Variants in ANPEP observed in about 807,000 individuals in gnomAD.
ANPEP encodes the protein alanyl aminopeptidase, membrane, also known as aminopeptidase N.
A neutral mutation model predicts 114.6 loss-of-function variants in ANPEP; 70 were observed. The ratio of observed to expected loss-of-function variants is 0.61; its 90% CI spans 0.50 to 0.75. ANPEP has a LOEUF of 0.75. ANPEP is among the 30% of genes least tolerant of loss of function. The pLI, the probability that ANPEP is intolerant of heterozygous loss-of-function variation, is 0.00. For synonymous variants in ANPEP, 548 were observed against 522.3 expected, an observed-to-expected ratio of 1.05 and a Z score of -0.67; for missense variants, 1,184 against 1,259.5, an observed-to-expected ratio of 0.94 and a Z score of 0.91.
intron 4 of ANPEP, 43 bp downstream of exon 4, chr15:89,805,035 C>G (rs538353572): frequency 6.2e-7 from 1 of 1,612,152 alleles, no homozygotes; most frequent in East Asian, 2.2e-5. Context: ...CCCCTCAAGC[C>G]GGGGCCAGCC....
At chr15:89,801,922 G>A (rs74616151) in intron 10 of ANPEP, among the ~76,000 whole-genome samples, 1 of 152,176 alleles carries the variant, frequency 6.6e-6, no homozygotes, top group Non-Finnish European at 1.5e-5. Context: ...ACTGGGAGGA[G>A]GACAAGAAAG....
At chr15:89,812,347 C>T (rs1277658852) in intron 1 of ANPEP, among the ~76,000 whole-genome samples, 6 of 152,200 alleles carry the variant, frequency 3.9e-5, no homozygotes, top group Non-Finnish European at 4.4e-5. Flanking sequence ...AGGGTAGGGA[C>T]GAGGCTGGGC....
intron 15 of ANPEP, among the ~76,000 whole-genome samples, chr15:89,795,305 A>G (rs954651421): frequency 3.4e-4 from 51 of 152,218 alleles, no homozygotes; most frequent in Admixed American, 2.9e-3. Context: ...GCTGGAAAAC[A>G]GAAGAGAAAA....
chr15:89,806,285 A>G lies in ANPEP; in HGVS notation c.299T>C (p.Leu100Pro), dbSNP rs928677106. The G allele has an allele frequency of 3.1e-6, 5 of 1,613,984 alleles. No homozygotes were observed. Among genetic ancestry groups the G allele is most frequent in the Middle Eastern group, 1.6e-4 (1 of 6,084 alleles). ...RPYLTPNDRG[L>P]YVFKGSSTVR... ...GGTGCTGGAGCCCTTAAAAACGTAC[A>G]GGCCCCTGTCATTGGGGGTGAGGTA... The change falls in exon 2 of 21, where the codon CTG becomes CCG. Residue 100 changes from leucine to proline, a missense_variant. Coordinates refer to ENST00000300060, the MANE Select transcript of ANPEP (RefSeq NM_001150.3). The surrounding 1 kb of genome is among the most constrained non-coding windows in gnomAD (Gnocchi z 5.7).
rs201732034 is a variant in ANPEP at position 89,804,238 on chromosome 15, G to T, written c.1179+15C>A. 1.9e-6 allele frequency: 3 copies of T among 1,613,962 alleles called. No homozygotes were observed. The highest frequency in any genetic ancestry group is 2.5e-6 in the Non-Finnish European group (3 of 1,179,882). On this transcript the variant is annotated intron_variant, in intron 6 of 20. Transcript: ENST00000300060. Reference sequence around the variant, plus strand: ...CCCTGTTTCCTTCTCCGCACTCCCCGAGATGGGGGTCTACCTGGTGGGCCA... The same window carrying T: ...CCCTGTTTCCTTCTCCGCACTCCCCTAGATGGGGGTCTACCTGGTGGGCCA...
At position 89,797,605 on chromosome 15, in the gene ANPEP, A is replaced by G. The variant is rs1232101369; in HGVS notation, c.2127T>C (p.Phe709=). The G allele has an allele frequency of 6.2e-7, 1 of 1,614,030 alleles. No individual in the cohort carries two copies. The highest frequency in any genetic ancestry group is 8.5e-7 in the Non-Finnish European group (1 of 1,180,030). The change falls in exon 15 of 21, where the codon TTT becomes TTC. Residue 709 remains phenylalanine (F), a synonymous_variant. Transcript: ENST00000300060. ...LSSLSYFKLM[F]DRSEVYGPMK... is the part of the protein sequence containing the mutation. The stretch of plus-strand genomic sequence containing the variant: ...TGGGGCCATAGACCTCGGAGCGGTC[A>G]AACATGAGCTTGAAGTAGCTCAGGC...
chr15:89,791,234 C>T, intron 18 of ANPEP, 141 bp from the exon 19 acceptor site: 2 of 925,628 alleles, frequency 2.2e-6, no homozygotes, highest in African/African-American at 1.7e-5. Flanking sequence ...CCCCTTGGTC[C>T]TTCTTCCCTC....
chr15:89,790,499 T>C lies in ANPEP; in HGVS notation c.2712A>G (p.Ala904=). ...ACTCGGTGGAGAATCGTCGTGTCACTGCCTGGATGAGGTTGGAGAAGGAGA... is the reference window on the plus strand; with the variant it reads ...ACTCGGTGGAGAATCGTCGTGTCACCGCCTGGATGAGGTTGGAGAAGGAGA... The part of the protein sequence containing the change: ...GSFSFSNLIQ[A]VTRRFSTEYE... The change falls in exon 20 of 21, where the codon GCA becomes GCG. Residue 904 remains alanine, a synonymous_variant. Coordinates refer to ENST00000300060, the MANE Select transcript of ANPEP (RefSeq NM_001150.3). 1.9e-6 allele frequency: 3 copies of C among 1,613,942 alleles called. No individual in the cohort carries two copies. Among genetic ancestry groups the C allele is most frequent in the South Asian group, 2.2e-5 (2 of 91,072 alleles).
chr15:89,799,763 AC>A lies in ANPEP; in HGVS notation c.1820-205del, dbSNP rs1324953798. On this transcript the variant is annotated intron_variant, in intron 12 of 20. Coordinates refer to ENST00000300060, the MANE Select transcript of ANPEP (RefSeq NM_001150.3). This position sits in a 1 kb window ranked among gnomAD's most constrained non-coding sequence, Gnocchi z 4.2. ...CATCAACCCATGAAGATGACATGCC[AC>A]CCCAAACCTCAGAACCTGCCCTGCC... is the stretch of plus-strand genomic sequence containing the variant. 6.6e-6 allele frequency among the ~76,000 whole-genome samples: 1 copy of A among 152,066 alleles called. No homozygotes were observed. Among genetic ancestry groups the A allele is most frequent in the Non-Finnish European group, 1.5e-5 (1 of 68,004 alleles).
chr15:89,795,480 G>A (rs767718224), intron 15 of ANPEP, among the ~76,000 whole-genome samples: 14 of 151,978 alleles, frequency 9.2e-5, no homozygotes, highest in Non-Finnish European at 1.8e-4. Flanking sequence ...AGATGGAGAC[G>A]AGGCCCAAAC....
intron 1 of ANPEP, among the ~76,000 whole-genome samples, chr15:89,811,709 A>G (rs1319882945): frequency 1.3e-5 from 2 of 151,718 alleles, no homozygotes; most frequent in African/African-American, 4.8e-5. Flanking sequence ...TCCTAAAAGG[A>G]TCCTGTCCAG....
At position 89,803,247 on chromosome 15, in the gene ANPEP, G is replaced by A; in HGVS notation, c.1561C>T (p.Leu521=). 1 of 1,614,102 alleles carries A rather than the reference G, an allele frequency of 6.2e-7. No individual in the cohort carries two copies. The highest frequency in any genetic ancestry group is 2.2e-5 in the East Asian group (1 of 44,886). The part of the protein sequence containing the change: ...NTIYLNLWDH[L]QEAVNNRSIQ... ...GGCTGGCTGCTACTGACCTCCTGCA[G>A]GTGGTCCCACAGGTTCAGGTAGATG... Residue 521 remains leucine, a synonymous_variant, in exon 10 of 21, where the codon CTG becomes TTG. Transcript: ENST00000300060. The surrounding 1 kb of genome is among the most constrained non-coding windows in gnomAD (Gnocchi z 4.2).
At chr15:89,792,979 G>C in intron 16 of ANPEP, 56 bp downstream of exon 16, 1 of 1,435,680 alleles carries the variant, frequency 7.0e-7, no homozygotes, top group South Asian at 1.2e-5. Flanking sequence ...CCAGGATGTT[G>C]CTCTTGACTC....
rs756233508 is a variant in ANPEP, at chr15:89,805,950, G to C, written c.614+20C>G. On this transcript the variant is annotated intron_variant, in intron 2 of 20. Coordinates refer to ENST00000300060, the MANE Select transcript of ANPEP (RefSeq NM_001150.3). ...CAGCACCTCGGATCCACCCCACCGG[G>C]CAGCCCAGCCGGAACTCACTTTCTG... 3 of 1,568,030 alleles carry C rather than the reference G, an allele frequency of 1.9e-6. No individual in the cohort carries two copies. The African/African-American group carries it at 4.0e-5, about 21-fold the overall frequency.
In ANPEP at chr15:89,785,265, A is replaced by G. The variant is rs1968484523; in HGVS notation, c.*84T>C. 1.9e-6 allele frequency: 3 copies of G among 1,548,770 alleles called. No homozygotes were observed. The highest frequency in any genetic ancestry group is 1.8e-6 in the Non-Finnish European group (2 of 1,131,612). On this transcript the variant is annotated 3_prime_UTR_variant, in exon 21 of 21. Transcript: ENST00000300060. Reference sequence around the variant, plus strand: ...GGAGGACACTGGTGCCTCGGGCTCCAGGAATGGAGGCCCTGCACCAGCCGC... The same window carrying G: ...GGAGGACACTGGTGCCTCGGGCTCCGGGAATGGAGGCCCTGCACCAGCCGC...
Position 89,806,768 on chromosome 15 carries a change from G to T in ANPEP, c.-185C>A. On this transcript the variant is annotated 5_prime_UTR_variant, in exon 2 of 21. Coordinates refer to ENST00000300060, the MANE Select transcript of ANPEP (RefSeq NM_001150.3). The surrounding 1 kb of genome is among the most constrained non-coding windows in gnomAD (Gnocchi z 5.7). Reference sequence around the variant, plus strand: ...GGGCACGCTCCGCCTGGGGAGAGGAGATCCAGGAACGGTGTGTGGAGCTGG... The same window carrying T: ...GGGCACGCTCCGCCTGGGGAGAGGATATCCAGGAACGGTGTGTGGAGCTGG... 1.0e-6 allele frequency: 1 copy of T among 953,364 alleles called. No homozygotes were observed. Among genetic ancestry groups the T allele is most frequent in the Non-Finnish European group, 1.5e-6 (1 of 666,864 alleles). 59.1% of individuals were successfully genotyped at this position (953,364 alleles called of 1,614,324 possible).
intron 1 of ANPEP, among the ~76,000 whole-genome samples, chr15:89,811,067 G>A (rs1894807315): frequency 6.6e-6 from 1 of 152,208 alleles, no homozygotes; most frequent in Admixed American, 6.5e-5. Context: ...GCGTGCAGTG[G>A]GAGGGCAACA....
At chr15:89,796,910 G>A (rs187988568) in intron 15 of ANPEP, among the ~76,000 whole-genome samples, 8 of 152,298 alleles carry the variant, frequency 5.3e-5, no homozygotes, top group African/African-American at 1.9e-4. Flanking sequence ...ACCTTTAGAC[G>A]TTTAAGTATT....
chr15:89,804,868 G>T, intron 4 of ANPEP: 1 of 848,424 alleles, frequency 1.2e-6, no homozygotes, highest in Non-Finnish European at 1.8e-6. Context: ...GGTGGGTCAG[G>T]AACTCCCTTC....
Sources: gnomAD v4.1 joint callset for allele counts (sites outside exome capture counted in the v4.1 genomes callset) on GRCh38, gnomAD v4.1.1 for gene constraint, Gnocchi (gnomAD v3.1) non-coding constraint, MANE v1.5 for transcripts, NCBI Gene and HGNC (gene_info 2026-07-23, HGNC 2026-07-21) for gene names.